IRAK1BP1: variants seen among roughly 807,000 people sequenced by gnomAD.
The protein encoded by IRAK1BP1 is interleukin 1 receptor associated kinase 1 binding protein 1.
IRAK1BP1 carries 24 observed loss-of-function variants against 28.0 expected under a neutral mutation model. That is an observed-to-expected ratio of 0.86 (90% CI 0.62 to 1.20). The LOEUF (loss-of-function observed/expected upper bound fraction) is 1.20, where lower values mean the gene tolerates loss of function less well. IRAK1BP1 is among the 50% of genes most tolerant of loss of function. IRAK1BP1 has a pLI of 0.00. For missense variants in IRAK1BP1, 336 were observed against 316.7 expected, an observed-to-expected ratio of 1.06 and a Z score of -0.46; for synonymous variants, 131 against 116.3, an observed-to-expected ratio of 1.13 and a Z score of -0.81.
chr6:78,978,313 AAAAG>A, the IRAK1BP1 span, among the ~76,000 whole-genome samples: 1 of 152,234 alleles, frequency 6.6e-6, no homozygotes, highest in South Asian at 2.1e-4. Flanking sequence ...TTTAAAAAGA[AAAAG>A]AAAGCTGGCA....
rs1772075250 is a variant in IRAK1BP1, at chr6:78,901,015, T to TG, written c.*2682dup. ...TACCAAAAAGAAGTTACTATCCAGTTGTACAGAAAAGTAGAATGAGGTTGT... is the reference window on the plus strand; with the variant it reads ...TACCAAAAAGAAGTTACTATCCAGTTGGTACAGAAAAGTAGAATGAGGTTGT... On this transcript the variant is annotated 3_prime_UTR_variant, in exon 4 of 4. Transcript: ENST00000369940. 1 of 151,844 alleles carries TG rather than the reference T, an allele frequency of 6.6e-6. No homozygotes were observed. The highest frequency in any genetic ancestry group is 1.5e-5 in the Non-Finnish European group (1 of 67,958). 9.4% of individuals were successfully genotyped at this position (151,844 alleles called of 1,614,324 possible). A position where few individuals can be genotyped will look rare whatever the true frequency, so the allele number is the denominator to read the frequency against.
chr6:78,957,266 T>C, the IRAK1BP1 span: 2 of 151,940 alleles, frequency 1.3e-5, no homozygotes, highest in African/African-American at 2.4e-5. Flanking sequence ...TGATTCTCTT[T>C]GAAAAAACAG....
intron 4 of IRAK1BP1, among the ~76,000 whole-genome samples, chr6:78,927,039 T>A (rs1772908148): frequency 1.3e-5 from 2 of 152,162 alleles, no homozygotes; most frequent in African/African-American, 4.8e-5. Context: ...ATATACTGAT[T>A]TCCTTTTTTT....
Position 78,927,244 on chromosome 6 carries a change from C to G in IRAK1BP1, c.*68-18164C>G, listed in dbSNP as rs1005910192. On this transcript the variant is annotated intron_variant and NMD_transcript_variant, in intron 4 of 4. Transcript: ENST00000606868. ...GTCTTTTGGATAAAAGCCATTTTAA[C>G]TGGGGTGAGATGATATCCCATCGTA... Among the ~76,000 whole-genome samples the G allele has an allele frequency of 6.6e-5, 10 of 152,274 alleles. No individual in the cohort carries two copies. The East Asian group carries it at 1.9e-3, about 29-fold the overall frequency.
intron 4 of IRAK1BP1, among the ~76,000 whole-genome samples, chr6:78,908,894 AAGG>A (rs1772333164): frequency 6.6e-6 from 1 of 152,186 alleles, no homozygotes; most frequent in African/African-American, 2.4e-5. Flanking sequence ...CCTAGAGCTG[AAGG>A]AGATAGATAG....
At chr6:78,974,602 A>C in the IRAK1BP1 span, among the ~76,000 whole-genome samples, 1 of 152,322 alleles carries the variant, frequency 6.6e-6, no homozygotes, top group South Asian at 2.1e-4. Context: ...GTTTTTTGAA[A>C]GATCAACAAA....
chr6:78,906,483 A>G (rs1325262975), downstream of IRAK1BP1, among the ~76,000 whole-genome samples: 1 of 152,208 alleles, frequency 6.6e-6, no homozygotes, highest in Non-Finnish European at 1.5e-5. Flanking sequence ...TAGTTTTTGA[A>G]AATATTTTAA....
chr6:78,970,088 G>C, the IRAK1BP1 span: 2 of 1,613,576 alleles, frequency 1.2e-6, no homozygotes, highest in Non-Finnish European at 1.7e-6. Flanking sequence ...ACCAGTATCA[G>C]GATCTAGAAA....
downstream of IRAK1BP1, chr6:78,947,641 T>C (rs1174967135): frequency 6.9e-7 from 1 of 1,457,686 alleles, no homozygotes; most frequent in East Asian, 2.3e-5. Flanking sequence ...TTTTGCTTGG[T>C]GTATATGCTT....
the IRAK1BP1 span, among the ~76,000 whole-genome samples, chr6:78,969,386 G>A: frequency 6.6e-6 from 1 of 152,140 alleles, no homozygotes; most frequent in East Asian, 1.9e-4. Flanking sequence ...TGCACCTTAA[G>A]TGCCTGAAAA....
the IRAK1BP1 span, among the ~76,000 whole-genome samples, chr6:78,962,312 A>C: frequency 6.6e-6 from 1 of 152,194 alleles, no homozygotes; most frequent in Non-Finnish European, 1.5e-5. Context: ...CACACCGTAA[A>C]GTTGTACAGC....
the IRAK1BP1 span, chr6:78,957,793 A>G: frequency 1.3e-5 from 2 of 152,008 alleles, no homozygotes; most frequent in African/African-American, 4.8e-5. Context: ...TCATTATATG[A>G]TTGCATAAAA....
chr6:78,973,810 C>T, the IRAK1BP1 span, among the ~76,000 whole-genome samples: 1 of 151,814 alleles, frequency 6.6e-6, no homozygotes, highest in Admixed American at 6.6e-5. Context: ...GGGGTCAATT[C>T]AACAAGAAGA....
chr6:78,899,098 CT>C lies in IRAK1BP1; in HGVS notation c.*768del, dbSNP rs1467734665. On this transcript the variant is annotated 3_prime_UTR_variant, in exon 4 of 4. Coordinates refer to ENST00000369940, the MANE Select transcript of IRAK1BP1 (RefSeq NM_001010844.4). The stretch of plus-strand genomic sequence containing the variant: ...GCAATATGGCTACATATACAGCAGG[CT>C]TTTGTTGTAGGTAAAGAATACTGAG... 1.3e-5 allele frequency: 2 copies of C among 152,168 alleles called. No homozygotes were observed. The highest frequency in any genetic ancestry group is 2.9e-5 in the Non-Finnish European group (2 of 68,042). 9.4% of individuals were successfully genotyped at this position (152,168 alleles called of 1,614,324 possible). A position where few individuals can be genotyped will look rare whatever the true frequency, so the allele number is the denominator to read the frequency against.
intron 4 of IRAK1BP1, among the ~76,000 whole-genome samples, chr6:78,918,926 A>G (rs535223631): frequency 3.9e-5 from 6 of 152,328 alleles, no homozygotes; most frequent in Middle Eastern, 6.8e-3. Flanking sequence ...AATGAAGCAT[A>G]CTCCAAGATT....
chr6:78,959,241 A>G, the IRAK1BP1 span, among the ~76,000 whole-genome samples: 5 of 152,158 alleles, frequency 3.3e-5, no homozygotes, highest in Non-Finnish European at 7.4e-5. Flanking sequence ...ATTATCTAAT[A>G]TGTGGCCTGA....
chr6:78,871,308 A>G, intron 1 of IRAK1BP1: 10 of 985,184 alleles, frequency 1.0e-5, no homozygotes, highest in Non-Finnish European at 1.2e-5. Flanking sequence ...TCTAAGTTCT[A>G]GTGCAAGAGA....
the IRAK1BP1 span, among the ~76,000 whole-genome samples, chr6:78,973,728 C>T: frequency 6.6e-6 from 1 of 151,780 alleles, no homozygotes. Context: ...GGTTGCAATC[C>T]TAGTCTGATA....
chr6:78,896,518 T>G (rs1380217118), intron 2 of IRAK1BP1, among the ~76,000 whole-genome samples: 4 of 152,138 alleles, frequency 2.6e-5, no homozygotes, highest in African/African-American at 9.7e-5. Context: ...AGGCAAATCT[T>G]TAACAGTGGA....
Sources: gnomAD v4.1 joint callset for allele counts (sites outside exome capture counted in the v4.1 genomes callset) on GRCh38, gnomAD v4.1.1 for gene constraint, MANE v1.5 for transcripts, NCBI Gene and HGNC (gene_info 2026-07-23, HGNC 2026-07-21) for gene names.